Variants in REEP1 observed in about 807,000 individuals in gnomAD.
REEP1 encodes the protein receptor accessory protein 1.
Under a neutral mutation model 40.3 loss-of-function variants are expected in REEP1, and 22 were observed. The observed-to-expected ratio is 0.55, with a 90% CI of 0.39 to 0.78. REEP1 has a LOEUF of 0.78. Among genes scored for constraint, REEP1 ranks in the 30% least tolerant of loss-of-function variants. The probability of loss-of-function intolerance (pLI) is 0.00; values close to 1 mark genes in which losing one functional copy is unlikely to be tolerated. For synonymous variants in REEP1, 116 were observed against 139.2 expected (o/e 0.83, Z 1.17); for missense variants, 280 against 361.1 (o/e 0.78, Z 1.82).
At chr2:86,274,289 C>A (rs567865781) in intron 2 of REEP1, among the ~76,000 whole-genome samples, 25 of 152,304 alleles carry the variant, frequency 1.6e-4, no homozygotes, top group African/African-American at 5.8e-4. Context: ...TGGCTCAGGG[C>A]AGCCAAGAAG....
intron 1 of REEP1, among the ~76,000 whole-genome samples, chr2:86,313,000 C>CT (rs899263556): frequency 2.8e-4 from 40 of 144,682 alleles, no homozygotes; most frequent in South Asian, 6.3e-4. Context: ...TCTTCTTCTG[C>CT]TTTTTTTTTC....
At position 86,215,107 on chromosome 2, in the gene REEP1, A is replaced by G. The variant is rs547127582; in HGVS notation, c.*1932T>C. 1 of 137,754 alleles carries G rather than the reference A, an allele frequency of 7.3e-6. No homozygotes were observed. The highest frequency in any genetic ancestry group is 1.5e-5 in the Non-Finnish European group (1 of 65,904). 8.5% of individuals were successfully genotyped at this position (137,754 alleles called of 1,614,324 possible). Reference sequence around the variant, plus strand: ...AACAGGTAAATACATTTTAAAGAGTATATTCTTCTTCTGTCTGGAACTACT... The same window carrying G: ...AACAGGTAAATACATTTTAAAGAGTGTATTCTTCTTCTGTCTGGAACTACT... On this transcript the variant is annotated 3_prime_UTR_variant, in exon 9 of 9. Transcript: ENST00000538924.
intron 1 of REEP1, among the ~76,000 whole-genome samples, chr2:86,303,193 C>T (rs1230502043): frequency 6.6e-6 from 1 of 150,892 alleles, no homozygotes; most frequent in African/African-American, 2.4e-5. Context: ...CAGGAGTACA[C>T]CACGATGCCC....
At chr2:86,236,217 CA>C (rs397829762) in intron 5 of REEP1, among the ~76,000 whole-genome samples, 258 of 138,410 alleles carry the variant, frequency 1.9e-3, no homozygotes, top group Admixed American at 1.9e-3. Context: ...AACTTCATCT[CA>C]AAAAAAAAAA....
rs35885517 is a variant in REEP1, at chr2:86,256,347, CAA to C, written c.183-1535_183-1534del. On this transcript the variant is annotated intron_variant, in intron 3 of 8. Transcript: ENST00000538924. ...TGGGCGACAGAGCAAGATTCCATCT[CAA>C]AAAAAAAAAAAAAAAAAGAACTTCA... Among the ~76,000 whole-genome samples the C allele has an allele frequency of 3.4e-3, 336 of 100,276 alleles. 1 individual carries two copies. Among genetic ancestry groups the C allele is most frequent in the African/African-American group, 6.8e-3 (178 of 26,210 alleles). The allele number at this position is 100,276 out of a possible 152,430, so 65.8% of individuals were successfully genotyped here. A position where few individuals can be genotyped will look rare whatever the true frequency, so the allele number is the denominator to read the frequency against.
In REEP1 at chr2:86,232,715, C is replaced by T; in HGVS notation, c.505G>A (p.Gly169Ser). 2.5e-6 allele frequency: 4 copies of T among 1,610,550 alleles called. No homozygotes were observed. Among genetic ancestry groups the T allele is most frequent in the Non-Finnish European group, 3.4e-6 (4 of 1,179,996 alleles). Residue 169 changes from glycine (G) to serine (S), a missense_variant, in exon 6 of 9, where the codon GGC becomes AGC. By Grantham distance (56) the Gly-to-Ser change is moderately conservative. Coordinates refer to ENST00000538924, the MANE Select transcript of REEP1 (RefSeq NM_001371279.1). ...IRGDGAPAPS[G>S]PPPPGSGRAS... The stretch of plus-strand genomic sequence containing the variant: ...CGCCCAGACCCCGGTGGTGGGGGGC[C>T]CGAGGGAGCAGGGGCGCCGTCTCCC...
At chr2:86,320,491 G>A (rs1030643658) in intron 1 of REEP1, among the ~76,000 whole-genome samples, 2 of 152,080 alleles carry the variant, frequency 1.3e-5, no homozygotes, top group East Asian at 1.9e-4. Context: ...GACACATAAC[G>A]CACCTTGATT....
chr2:86,317,474 G>T (rs1455017407), intron 1 of REEP1, among the ~76,000 whole-genome samples: 1 of 152,170 alleles, frequency 6.6e-6, no homozygotes, highest in East Asian at 1.9e-4. Context: ...AACCCCTTCA[G>T]AGGGTCCATG....
chr2:86,299,309 A>C (rs1347024381), intron 1 of REEP1, among the ~76,000 whole-genome samples: 1 of 152,112 alleles, frequency 6.6e-6, no homozygotes, highest in Non-Finnish European at 1.5e-5. Context: ...GGGCCAGACA[A>C]TTCTTTGTTG....
intron 5 of REEP1, among the ~76,000 whole-genome samples, chr2:86,249,824 A>T (rs1676170567): frequency 6.6e-6 from 1 of 152,154 alleles, no homozygotes; most frequent in African/African-American, 2.4e-5. Context: ...TGTTTCAAAA[A>T]TAGAGGGCAT....
At chr2:86,247,581 T>G (rs377207660) in intron 5 of REEP1, among the ~76,000 whole-genome samples, 43 of 152,036 alleles carry the variant, frequency 2.8e-4, no homozygotes, top group Middle Eastern at 6.8e-3. Flanking sequence ...TGTTGTTGTT[T>G]TTTGTTTGTT....
chr2:86,314,038 A>T (rs1460663879), intron 1 of REEP1, among the ~76,000 whole-genome samples: 1 of 152,252 alleles, frequency 6.6e-6, no homozygotes, highest in Non-Finnish European at 1.5e-5. Context: ...CACAGATGTG[A>T]AGCCATTTGC....
intron 5 of REEP1, among the ~76,000 whole-genome samples, chr2:86,236,896 G>A (rs1221719484): frequency 6.6e-6 from 1 of 152,096 alleles, no homozygotes; most frequent in Non-Finnish European, 1.5e-5. Context: ...CACCACGCCT[G>A]GCTAATTTTT....
intron 1 of REEP1, among the ~76,000 whole-genome samples, chr2:86,329,543 G>A (rs1323790015): frequency 6.6e-6 from 1 of 152,148 alleles, no homozygotes; most frequent in African/African-American, 2.4e-5. Flanking sequence ...GCTTGCAATT[G>A]AATCCCAGGT....
At chr2:86,252,208 T>G (rs1237241435) in intron 4 of REEP1, 138 bp from the exon 5 acceptor site, 4 of 722,282 alleles carry the variant, frequency 5.5e-6, no homozygotes, top group Non-Finnish European at 1.0e-5. Context: ...GTAGGCACTT[T>G]GAAGGTGTGC....
At chr2:86,252,868 A>G (rs1676359562) in intron 4 of REEP1, among the ~76,000 whole-genome samples, 1 of 152,230 alleles carries the variant, frequency 6.6e-6, no homozygotes, top group Non-Finnish European at 1.5e-5. Context: ...AACAGGATTG[A>G]GGTCTTCTTC....
At chr2:86,236,818 C>G (rs1227248833) in intron 5 of REEP1, among the ~76,000 whole-genome samples, 1 of 151,726 alleles carries the variant, frequency 6.6e-6, no homozygotes, top group Non-Finnish European at 1.5e-5. Flanking sequence ...CTCACTGCAA[C>G]TCCGCCTCCC....
Position 86,337,537 on chromosome 2 carries a change from G to A in REEP1, c.-27C>T, listed in dbSNP as rs907358831. Reference sequence around the variant, plus strand: ...GCGGGCAGGCGGGCGGGCGAGGCCCGGGCGGCGCGGCTCGGCTAGGCTGCG... The same window carrying A: ...GCGGGCAGGCGGGCGGGCGAGGCCCAGGCGGCGCGGCTCGGCTAGGCTGCG... On this transcript the variant is annotated 5_prime_UTR_variant, in exon 1 of 9. Coordinates refer to ENST00000538924, the MANE Select transcript of REEP1 (RefSeq NM_001371279.1). The surrounding 1 kb of genome is among the most constrained non-coding windows in gnomAD (Gnocchi z 5.8). The A allele has an allele frequency of 8.8e-6, 11 of 1,243,620 alleles. No homozygotes were observed. In the Admixed American group the frequency reaches 3.3e-4, roughly 37 times the overall value. 77.0% of individuals were successfully genotyped at this position (1,243,620 alleles called of 1,614,324 possible).
chr2:86,266,851 C>CA (rs1677169678), intron 2 of REEP1, among the ~76,000 whole-genome samples: 1 of 150,888 alleles, frequency 6.6e-6, no homozygotes, highest in South Asian at 2.1e-4. Flanking sequence ...ACTAAAAATG[C>CA]AAAAAATTAG....
Sources: allele counts gnomAD v4.1 joint callset (sites outside exome capture counted in the v4.1 genomes callset), GRCh38; gene constraint gnomAD v4.1.1; non-coding constraint Gnocchi (gnomAD v3.1); transcripts MANE v1.5; gene names NCBI Gene and HGNC (gene_info 2026-07-23, HGNC 2026-07-21).